Variants in RCAN1 observed in about 807,000 individuals in gnomAD.
RCAN1 encodes the protein calcipressin-1.
RCAN1 carries 11 observed loss-of-function variants against 22.9 expected under a neutral mutation model. That is an observed-to-expected ratio of 0.48 (90% CI 0.30 to 0.79). The LOEUF is 0.79. Among genes scored for constraint, RCAN1 ranks in the 30% least tolerant of loss-of-function variants. The pLI, the probability that RCAN1 is intolerant of heterozygous loss-of-function variation, is 0.06. For synonymous variants in RCAN1, 136 were observed against 142.3 expected (o/e 0.96, Z 0.32); for missense variants, 291 against 337.8 (o/e 0.86, Z 1.09).
chr21:34,553,880 GGA>G (rs1486476452), intron 1 of RCAN1, among the ~76,000 whole-genome samples: 1 of 152,104 alleles, frequency 6.6e-6, no homozygotes, highest in East Asian at 1.9e-4. Flanking sequence ...GATGCAAAGG[GGA>G]TAAGAAGCAG....
intron 1 of RCAN1, among the ~76,000 whole-genome samples, chr21:34,582,030 C>T (rs1987628791): frequency 6.6e-6 from 1 of 152,070 alleles, no homozygotes; most frequent in South Asian, 2.1e-4. Context: ...GTATTCTGGG[C>T]ACGAGGTAGG....
chr21:34,605,358 G>A (rs116401655), intron 1 of RCAN1, among the ~76,000 whole-genome samples: 3,208 of 152,218 alleles, frequency 0.021, 107 homozygotes, highest in African/African-American at 0.073. Context: ...GCCTATTGTC[G>A]GACCTCACCT....
chr21:34,572,623 C>T (rs1456026487), intron 1 of RCAN1, among the ~76,000 whole-genome samples: 1 of 152,124 alleles, frequency 6.6e-6, no homozygotes. Context: ...AGGTTTCTTC[C>T]AGTCTCAACA....
intron 1 of RCAN1, among the ~76,000 whole-genome samples, chr21:34,542,024 T>C (rs546196698): frequency 3.4e-4 from 52 of 152,164 alleles, no homozygotes; most frequent in Non-Finnish European, 5.3e-4. Flanking sequence ...AATAAATACA[T>C]TGGACAAAAT....
At chr21:34,590,674 A>C (rs1036915491) in intron 1 of RCAN1, among the ~76,000 whole-genome samples, 12 of 152,120 alleles carry the variant, frequency 7.9e-5, no homozygotes, top group Non-Finnish European at 2.9e-5. Flanking sequence ...TTTACACAGC[A>C]TTTCCCCCTG....
intron 1 of RCAN1, among the ~76,000 whole-genome samples, chr21:34,533,059 C>G (rs907068263): frequency 6.6e-6 from 1 of 150,654 alleles, no homozygotes; most frequent in East Asian, 1.9e-4. Context: ...CTCCCGGGTT[C>G]ACGCCATTCT....
At chr21:34,531,193 A>T (rs1252150949) in intron 1 of RCAN1, among the ~76,000 whole-genome samples, 1 of 152,258 alleles carries the variant, frequency 6.6e-6, no homozygotes, top group Non-Finnish European at 1.5e-5. Flanking sequence ...GCTAAAGCAC[A>T]TCAGTTGCCT....
intron 1 of RCAN1, among the ~76,000 whole-genome samples, chr21:34,548,152 A>G (rs1571694): frequency 0.43 from 66,052 of 152,064 alleles, 14,933 homozygotes; most frequent in Middle Eastern, 0.49. Flanking sequence ...CAGCCCGAGC[A>G]GATGAAGACA....
chr21:34,547,879 G>C (rs1986210020), intron 1 of RCAN1, among the ~76,000 whole-genome samples: 1 of 152,186 alleles, frequency 6.6e-6, no homozygotes, highest in Non-Finnish European at 1.5e-5. Flanking sequence ...AAGTTACCCA[G>C]TCTGTGGTGT....
intron 1 of RCAN1, among the ~76,000 whole-genome samples, chr21:34,582,632 G>A (rs1026897360): frequency 5.9e-5 from 9 of 152,140 alleles, no homozygotes; most frequent in Non-Finnish European, 1.0e-4. Flanking sequence ...AGCGGGCCAC[G>A]TCCTCACATG....
intron 1 of RCAN1, among the ~76,000 whole-genome samples, chr21:34,574,095 T>C (rs1328760719): frequency 6.6e-6 from 1 of 152,188 alleles, no homozygotes; most frequent in East Asian, 1.9e-4. Context: ...AAGCCTACTA[T>C]GAATACAGAC....
intron 1 of RCAN1, among the ~76,000 whole-genome samples, chr21:34,594,528 G>A (rs181333094): frequency 1.2e-4 from 18 of 152,070 alleles, no homozygotes; most frequent in Admixed American, 1.3e-4. Context: ...CTCCAGCCTG[G>A]CAACAGAGGG....
intron 1 of RCAN1, chr21:34,613,929 G>C: frequency 8.3e-7 from 1 of 1,205,814 alleles, no homozygotes; most frequent in African/African-American, 1.5e-5. Flanking sequence ...ATCTCTCAAA[G>C]ACCGGTTTCA....
intron 1 of RCAN1, among the ~76,000 whole-genome samples, chr21:34,528,743 C>T (rs1985214422): frequency 6.6e-6 from 1 of 152,160 alleles, no homozygotes; most frequent in South Asian, 2.1e-4. Context: ...TCCTGGCATG[C>T]ACCTGGGCAA....
intron 1 of RCAN1, among the ~76,000 whole-genome samples, chr21:34,534,512 T>C (rs551314477): frequency 4.6e-5 from 7 of 152,262 alleles, no homozygotes; most frequent in East Asian, 3.9e-4. Flanking sequence ...TGCAGCTTAT[T>C]CTGCAGCTCC....
intron 1 of RCAN1, among the ~76,000 whole-genome samples, chr21:34,546,538 C>T (rs746016213): frequency 5.9e-5 from 9 of 152,132 alleles, no homozygotes; most frequent in Admixed American, 1.3e-4. Flanking sequence ...TAGGAGCTGA[C>T]GCAAAGAAGA....
At chr21:34,608,518 C>T (rs1020407004) in intron 1 of RCAN1, among the ~76,000 whole-genome samples, 1 of 152,130 alleles carries the variant, frequency 6.6e-6, no homozygotes, top group Non-Finnish European at 1.5e-5. Context: ...GGTGCAGCAG[C>T]CCCCACACAA....
intron 1 of RCAN1, among the ~76,000 whole-genome samples, chr21:34,549,331 T>G (rs1601163070): frequency 6.6e-6 from 1 of 152,226 alleles, no homozygotes; most frequent in Non-Finnish European, 1.5e-5. Flanking sequence ...TTTCAAAGAC[T>G]TAACCTATGC....
intron 1 of RCAN1, among the ~76,000 whole-genome samples, chr21:34,538,997 T>C (rs7277446): frequency 0.46 from 69,448 of 152,006 alleles, 16,592 homozygotes; most frequent in African/African-American, 0.6. Context: ...AACTGAACAC[T>C]ACAAAAATGC....
Sources: allele counts gnomAD v4.1 joint callset (sites outside exome capture counted in the v4.1 genomes callset), GRCh38; gene constraint gnomAD v4.1.1; transcripts MANE v1.5; gene names NCBI Gene and HGNC (gene_info 2026-07-23, HGNC 2026-07-21).